Variants in KLHL4 observed in about 807,000 individuals in gnomAD.
The protein encoded by KLHL4 is kelch like family member 4, also known as kelch-like protein 4.
Under a neutral mutation model 45.8 loss-of-function variants are expected in KLHL4, and 17 were observed. The ratio of observed to expected loss-of-function variants is 0.37; its 90% CI spans 0.25 to 0.56. The LOEUF is 0.56. Ranked by LOEUF, KLHL4 falls within the 20% of genes least tolerant of loss-of-function variation. KLHL4 has a pLI of 0.79. For missense variants in KLHL4, 544 were observed against 544.9 expected (o/e 1.00, Z 0.02); for synonymous variants, 224 against 189.9 (o/e 1.18, Z -1.47).
intron 1 of KLHL4, among the ~76,000 whole-genome samples, chrX:87,584,673 C>G (rs1015013643): frequency 1.9e-5 from 2 of 106,397 alleles, no homozygotes; most frequent in African/African-American, 6.9e-5. Context: ...TCAGAAAAGA[C>G]AAAATAAAAA....
intron 9 of KLHL4, among the ~76,000 whole-genome samples, chrX:87,652,256 G>A (rs148901748): frequency 0.035 from 3,915 of 112,227 alleles, 156 homozygotes; most frequent in African/African-American, 0.12. Flanking sequence ...AAGATCTCTG[G>A]CATGCCCTAG....
chrX:87,553,912 G>C (rs908917962), intron 1 of KLHL4, among the ~76,000 whole-genome samples: 7 of 109,218 alleles, frequency 6.4e-5, no homozygotes, highest in South Asian at 7.9e-4. Flanking sequence ...GTAAGGAAGG[G>C]ATCCAGTTTC....
intron 1 of KLHL4, among the ~76,000 whole-genome samples, chrX:87,590,268 A>G (rs1043975332): frequency 9.1e-6 from 1 of 110,267 alleles, no homozygotes; most frequent in African/African-American, 3.3e-5. Flanking sequence ...TACACCTACT[A>G]TGTACCCACA....
At chrX:87,652,429 A>G (rs1188982242) in intron 9 of KLHL4, among the ~76,000 whole-genome samples, 1 of 112,343 alleles carries the variant, frequency 8.9e-6, no homozygotes, top group Non-Finnish European at 1.9e-5. Context: ...TATAAAACTG[A>G]ATGCTAATAG....
intron 1 of KLHL4, among the ~76,000 whole-genome samples, chrX:87,608,020 T>C (rs1433751689): frequency 8.9e-6 from 1 of 111,826 alleles, no homozygotes; most frequent in Non-Finnish European, 1.9e-5. Flanking sequence ...TTATGATTAC[T>C]ACACCTATCC....
intron 9 of KLHL4, among the ~76,000 whole-genome samples, chrX:87,640,317 G>A (rs1009605837): frequency 9.0e-6 from 1 of 111,539 alleles, no homozygotes; most frequent in Non-Finnish European, 1.9e-5. Context: ...TAGAGAAAAA[G>A]GGAATCCTCC....
At chrX:87,601,211 GAAC>G (rs1244922001) in intron 1 of KLHL4, among the ~76,000 whole-genome samples, 1 of 111,797 alleles carries the variant, frequency 8.9e-6, no homozygotes, top group Admixed American at 9.5e-5. Flanking sequence ...TTTAGAACCA[GAAC>G]AAAAGAAAGT....
At chrX:87,562,677 A>G (rs1424243772) in intron 1 of KLHL4, among the ~76,000 whole-genome samples, 1 of 110,962 alleles carries the variant, frequency 9.0e-6, no homozygotes, top group Non-Finnish European at 1.9e-5. Context: ...ACACCCTGGG[A>G]TAGAAGGGAC....
At position 87,597,827 on chromosome X, in the gene KLHL4, T is replaced by C. The variant is rs193112135; in HGVS notation, c.423-16050T>C. Among the ~76,000 whole-genome samples, 3 of 111,356 alleles carry C rather than the reference T, an allele frequency of 2.7e-5. No homozygotes were observed. In the East Asian group the frequency reaches 8.5e-4, roughly 32 times the overall value. On this transcript the variant is annotated intron_variant, in intron 1 of 10. Transcript: ENST00000373119. ...TAGTGAGTCTTCAATAAATATTTGC[T>C]AAATTGAATAAATCAGTATTGTCAT...
chrX:87,574,226 AT>A (rs1181420595), intron 1 of KLHL4, among the ~76,000 whole-genome samples: 3 of 111,574 alleles, frequency 2.7e-5, no homozygotes, highest in Non-Finnish European at 5.7e-5. Flanking sequence ...AATCTTAACT[AT>A]TGTGATTCCA....
At chrX:87,665,393 C>G (rs1279579440) in intron 10 of KLHL4, among the ~76,000 whole-genome samples, 1 of 111,184 alleles carries the variant, frequency 9.0e-6, no homozygotes, top group Non-Finnish European at 1.9e-5. Flanking sequence ...CAATCTTTAC[C>G]ATATAGAGAC....
intron 4 of KLHL4, among the ~76,000 whole-genome samples, chrX:87,618,715 G>A (rs1027014132): frequency 3.6e-5 from 4 of 110,691 alleles, no homozygotes; most frequent in Non-Finnish European, 7.6e-5. Flanking sequence ...TGGCCAGGCT[G>A]GTCTCGAACT....
intron 9 of KLHL4, among the ~76,000 whole-genome samples, chrX:87,662,703 G>A (rs1292281340): frequency 9.0e-6 from 1 of 110,707 alleles, no homozygotes; most frequent in African/African-American, 3.3e-5. Flanking sequence ...GCTGAGGCGG[G>A]CGGATCACGA....
chrX:87,628,623 G>A (rs1923010327), intron 6 of KLHL4, among the ~76,000 whole-genome samples: 1 of 110,896 alleles, frequency 9.0e-6, no homozygotes, highest in African/African-American at 3.3e-5. Context: ...ACACTGCTTG[G>A]GTGATGAATG....
At chrX:87,563,828 G>T (rs1309571233) in intron 1 of KLHL4, among the ~76,000 whole-genome samples, 1 of 110,935 alleles carries the variant, frequency 9.0e-6, no homozygotes, top group Non-Finnish European at 1.9e-5. Flanking sequence ...AAAGGTCATG[G>T]ATAATGAAAG....
chrX:87,654,715 C>T (rs1296919166), intron 9 of KLHL4, among the ~76,000 whole-genome samples: 1 of 111,934 alleles, frequency 8.9e-6, no homozygotes, highest in African/African-American at 3.2e-5. Context: ...TTTGAGAAAG[C>T]TGCATACTGA....
At chrX:87,633,384 T>G (rs1249088912) in intron 7 of KLHL4, among the ~76,000 whole-genome samples, 1 of 112,044 alleles carries the variant, frequency 8.9e-6, no homozygotes, top group Non-Finnish European at 1.9e-5. Context: ...AAGGTTTATC[T>G]AAGAATCAAC....
At chrX:87,532,874 C>A (rs1394096221) in intron 1 of KLHL4, among the ~76,000 whole-genome samples, 3 of 110,587 alleles carry the variant, frequency 2.7e-5, no homozygotes, top group Non-Finnish European at 5.7e-5. Context: ...ACAAACAACC[C>A]CATCAAAAAG....
intron 8 of KLHL4, among the ~76,000 whole-genome samples, chrX:87,635,236 C>T (rs1465691558): frequency 1.8e-5 from 2 of 111,836 alleles, no homozygotes; most frequent in Non-Finnish European, 3.8e-5. Context: ...ACTATCCTGC[C>T]AATCCCTTTG....
Sources: allele counts gnomAD v4.1 joint callset (sites outside exome capture counted in the v4.1 genomes callset), GRCh38; gene constraint gnomAD v4.1.1; transcripts MANE v1.5; gene names NCBI Gene and HGNC (gene_info 2026-07-23, HGNC 2026-07-21).